CHCHD6: variants seen among roughly 807,000 people sequenced by gnomAD.
CHCHD6 encodes the protein MICOS complex subunit MIC25.
A neutral mutation model predicts 32.3 loss-of-function variants in CHCHD6; 28 were observed. The ratio of observed to expected loss-of-function variants is 0.87; its 90% confidence interval spans 0.64 to 1.19. The LOEUF (loss-of-function observed/expected upper bound fraction) is 1.19, where lower values mean the gene tolerates loss of function less well. Ranked by LOEUF, CHCHD6 falls within the 50% of genes most tolerant of loss-of-function variation. CHCHD6 has a pLI of 0.00. For synonymous variants in CHCHD6, 122 were observed against 117.5 expected (o/e 1.04, Z -0.25); for missense variants, 333 against 307.0 (o/e 1.08, Z -0.63).
At chr3:126,954,190 C>T (rs920024863) in intron 6 of CHCHD6, among the ~76,000 whole-genome samples, 10 of 152,170 alleles carry the variant, frequency 6.6e-5, no homozygotes, top group African/African-American at 9.7e-5. Flanking sequence ...CATGGTCCCA[C>T]GGGCGATACT....
chr3:126,918,452 A>C (rs560639739), intron 6 of CHCHD6, among the ~76,000 whole-genome samples: 3 of 152,380 alleles, frequency 2.0e-5, no homozygotes, highest in African/African-American at 7.2e-5. Context: ...CCTGCCAGCA[A>C]GGAGCTTATA....
At chr3:126,954,470 T>A (rs2078756999) in intron 6 of CHCHD6, among the ~76,000 whole-genome samples, 1 of 152,242 alleles carries the variant, frequency 6.6e-6, no homozygotes, top group Non-Finnish European at 1.5e-5. Flanking sequence ...TCCAGCTCCA[T>A]GAGGCTCAGC....
At chr3:126,780,282 CTTTTG>C (rs1937871482) in intron 4 of CHCHD6, 2 of 404,076 alleles carry the variant, frequency 4.9e-6, no homozygotes, top group South Asian at 3.8e-5. Flanking sequence ...TTTCTCCCAC[CTTTTG>C]TTTTTAGTTT....
chr3:126,787,703 T>C (rs1486384499), intron 4 of CHCHD6, among the ~76,000 whole-genome samples: 2 of 152,240 alleles, frequency 1.3e-5, no homozygotes, highest in Non-Finnish European at 2.9e-5. Context: ...TGAAGTTGCT[T>C]ATCAGCTTAA....
At chr3:126,953,071 A>G (rs2078737745) in intron 6 of CHCHD6, 1 of 985,408 alleles carries the variant, frequency 1.0e-6, no homozygotes, top group African/African-American at 1.7e-5. Flanking sequence ...CGTCTTGGGC[A>G]TCACCTGCCA....
At chr3:126,799,129 A>G (rs1171153892) in intron 4 of CHCHD6, among the ~76,000 whole-genome samples, 1 of 152,166 alleles carries the variant, frequency 6.6e-6, no homozygotes, top group Non-Finnish European at 1.5e-5. Flanking sequence ...AGCTTCCTTA[A>G]AGGCAGAGTC....
At chr3:126,804,819 A>T (rs1360626015) in intron 4 of CHCHD6, among the ~76,000 whole-genome samples, 1 of 152,194 alleles carries the variant, frequency 6.6e-6, no homozygotes, top group Non-Finnish European at 1.5e-5. Flanking sequence ...CTGGCAAACC[A>T]AATCCAGCAG....
intron 4 of CHCHD6, among the ~76,000 whole-genome samples, chr3:126,755,205 C>T (rs1413514085): frequency 7.9e-5 from 12 of 152,168 alleles, no homozygotes. Context: ...TCCTGGATGG[C>T]AGGCAGCAGC....
chr3:126,843,070 C>T (rs1214186818), intron 4 of CHCHD6, among the ~76,000 whole-genome samples: 1 of 151,966 alleles, frequency 6.6e-6, no homozygotes, highest in Non-Finnish European at 1.5e-5. Flanking sequence ...TGGTACGTGT[C>T]CTTCATCAAG....
intron 5 of CHCHD6, among the ~76,000 whole-genome samples, chr3:126,865,202 TTCCTCC>T (rs375615641): frequency 9.7e-6 from 1 of 103,580 alleles, no homozygotes; most frequent in African/African-American, 3.7e-5. Flanking sequence ...CCTCCACTTC[TTCCTCC>T]TCCTCCTCCT....
chr3:126,948,374 AC>A (rs1185344564), intron 6 of CHCHD6, among the ~76,000 whole-genome samples: 1 of 152,202 alleles, frequency 6.6e-6, no homozygotes, highest in African/African-American at 2.4e-5. Context: ...ATTCCGGGAC[AC>A]ACATACTGTT....
intron 5 of CHCHD6, among the ~76,000 whole-genome samples, chr3:126,864,187 C>T (rs1942136326): frequency 6.8e-6 from 1 of 147,704 alleles, no homozygotes; most frequent in Admixed American, 6.7e-5. Flanking sequence ...CCCACCTCCC[C>T]CTCCTCCACC....
At chr3:126,946,445 AAGC>A (rs1313787635) in intron 6 of CHCHD6, among the ~76,000 whole-genome samples, 2 of 152,170 alleles carry the variant, frequency 1.3e-5, no homozygotes, top group African/African-American at 2.4e-5. Flanking sequence ...CTGCCTCACT[AAGC>A]AGCAGCCAGG....
rs1036065677 is a variant in CHCHD6 at position 126,704,506 on chromosome 3, G to A, written c.87+107G>A. ...GCTCTTTCCACGCGTGAGGGGCGTG[G>A]GGCTTGGGAGACTCCGGGGGCTCAG... On this transcript the variant is annotated intron_variant, in intron 1 of 7. Transcript: ENST00000290913. 9.1e-6 allele frequency: 6 copies of A among 659,344 alleles called. No individual in the cohort carries two copies. The African/African-American group carries it at 9.7e-5, about 11-fold the overall frequency. 40.8% of individuals were successfully genotyped at this position (659,344 alleles called of 1,614,324 possible). A position where few individuals can be genotyped will look rare whatever the true frequency, so the allele number is the denominator to read the frequency against.
chr3:126,825,514 A>G (rs1223111262), intron 4 of CHCHD6, among the ~76,000 whole-genome samples: 5 of 152,050 alleles, frequency 3.3e-5, no homozygotes, highest in Non-Finnish European at 7.4e-5. Flanking sequence ...GTCTTCATTT[A>G]TGTTTGTGGG....
At chr3:126,919,874 T>A (rs2078221968) in intron 6 of CHCHD6, among the ~76,000 whole-genome samples, 1 of 152,014 alleles carries the variant, frequency 6.6e-6, no homozygotes, top group Non-Finnish European at 1.5e-5. Context: ...ACCTAGTTAT[T>A]GATTTTCTTT....
chr3:126,851,816 T>A (rs2107551903), intron 4 of CHCHD6, among the ~76,000 whole-genome samples: 1 of 152,346 alleles, frequency 6.6e-6, no homozygotes, highest in South Asian at 2.1e-4. Flanking sequence ...TTTAACCTTC[T>A]GTACAGCTAT....
chr3:126,953,663 G>A (rs1655072676), intron 6 of CHCHD6, among the ~76,000 whole-genome samples: 1 of 152,222 alleles, frequency 6.6e-6, no homozygotes, highest in Non-Finnish European at 1.5e-5. Flanking sequence ...AGTGAGGTGA[G>A]CCAACTTCCT....
intron 4 of CHCHD6, among the ~76,000 whole-genome samples, chr3:126,772,097 C>A (rs1937552736): frequency 6.6e-6 from 1 of 152,022 alleles, no homozygotes; most frequent in Non-Finnish European, 1.5e-5. Context: ...ATGTTAGTCT[C>A]TTCATAGGTT....
Sources: gnomAD v4.1 joint callset for allele counts (sites outside exome capture counted in the v4.1 genomes callset) on GRCh38, gnomAD v4.1.1 for gene constraint, MANE v1.5 for transcripts, NCBI Gene and HGNC (gene_info 2026-07-23, HGNC 2026-07-21) for gene names.